The following MDN1 variants were observed in gnomAD, a reference collection of about 807,000 sequenced individuals.
The protein encoded by MDN1 is midasin AAA ATPase 1, also known as midasin.
A neutral mutation model predicts 669.2 loss-of-function variants in MDN1; 266 were observed. The ratio of observed to expected loss-of-function variants is 0.40; its 90% CI spans 0.36 to 0.44. MDN1 has a LOEUF of 0.44. MDN1 is among the 20% of genes least tolerant of loss of function. The pLI is 1.00. For synonymous variants in MDN1, 2,385 were observed against 2,457.1 expected (o/e 0.97, Z 0.87); for missense variants, 5,940 against 6,754.0 (o/e 0.88, Z 4.22).
chr6:89,751,535 G>A lies in MDN1; in HGVS notation c.3123C>T (p.Tyr1041=). ...GCTCCTTGTCTCCCACCGCAATCCA[G>A]TAGCCTTCAACCTGGATAAGCCGAC... ...KGGRLIQVEG[Y]WIAVGDKEPT... The change falls in exon 23 of 102, where the codon TAC becomes TAT. Residue 1041 remains tyrosine, a synonymous_variant. Coordinates refer to ENST00000369393, the MANE Select transcript of MDN1 (RefSeq NM_014611.3). 6.2e-7 allele frequency: 1 copy of A among 1,614,114 alleles called. No homozygotes were observed. The highest frequency in any genetic ancestry group is 8.5e-7 in the Non-Finnish European group (1 of 1,180,016).
chr6:89,650,937 A>G (rs1808808768), intron 95 of MDN1, 90 bp from the exon 96 acceptor site: 1 of 940,628 alleles, frequency 1.1e-6, no homozygotes, highest in African/African-American at 1.6e-5. Flanking sequence ...AAAGTGGTAG[A>G]AAATGACCTG....
Position 89,653,185 on chromosome 6 carries a change from T to C in MDN1, c.15662-30A>G. 1.9e-6 allele frequency: 3 copies of C among 1,593,634 alleles called. No individual in the cohort carries two copies. The East Asian group carries it at 6.7e-5, about 36-fold the overall frequency. Reference sequence around the variant, plus strand: ...TTTCATTTAAGGACATAATTTTACTTATAATATTAGCCTGATGACTGACCA... The same window carrying C: ...TTTCATTTAAGGACATAATTTTACTCATAATATTAGCCTGATGACTGACCA... On this transcript the variant is annotated intron_variant, in intron 93 of 101. Coordinates refer to ENST00000369393, the MANE Select transcript of MDN1 (RefSeq NM_014611.3).
chr6:89,714,634 C>T lies in MDN1; in HGVS notation c.6978G>A (p.Leu2326=), dbSNP rs567380219. Residue 2326 remains leucine (L), a synonymous_variant, in exon 46 of 102, where the codon TTG becomes TTA. Coordinates refer to ENST00000369393, the MANE Select transcript of MDN1 (RefSeq NM_014611.3). ...GDASTPDNLD[L]KVLLHSLGLV... ...ATCCAAGGCTGTGCAGCAGAACTTT[C>T]AAATCCAGGTTGTCTGGGGTGCTTG... 3.1e-6 allele frequency: 5 copies of T among 1,614,120 alleles called. No homozygotes were observed. The highest frequency in any genetic ancestry group is 2.7e-5 in the African/African-American group (2 of 75,042).
chr6:89,650,297 C>T, intron 96 of MDN1, 99 bp from the exon 97 acceptor site: 1 of 1,100,152 alleles, frequency 9.1e-7, no homozygotes, highest in Non-Finnish European at 1.3e-6. Flanking sequence ...AAACCAATAG[C>T]AAGTAACTAG....
intron 8 of MDN1, 76 bp downstream of exon 8, chr6:89,787,778 C>A: frequency 9.0e-7 from 1 of 1,110,394 alleles, no homozygotes; most frequent in Non-Finnish European, 1.3e-6. Context: ...AACTCTATTA[C>A]AGGACCTCTG....
Position 89,712,880 on chromosome 6 carries a change from C to A in MDN1, c.7219-94G>T. The A allele has an allele frequency of 3.5e-6, 4 of 1,147,080 alleles. No individual in the cohort carries two copies. The African/African-American group carries it at 4.6e-5, about 13-fold the overall frequency. 71.1% of individuals were successfully genotyped at this position (1,147,080 alleles called of 1,614,324 possible). ...GTAATAATAGTCCATGCGACCACCTCACAACAACTTTTAATACACTCTTCA... is the reference window on the plus strand; with the variant it reads ...GTAATAATAGTCCATGCGACCACCTAACAACAACTTTTAATACACTCTTCA... On this transcript the variant is annotated intron_variant, in intron 47 of 101. Transcript: ENST00000369393.
At chr6:89,661,943 C>G (rs1809798282) in intron 87 of MDN1, 144 bp downstream of exon 87, 4 of 944,174 alleles carry the variant, frequency 4.2e-6, no homozygotes, top group Admixed American at 5.0e-5. Context: ...CTGTTAAGAG[C>G]CTCTGTTGCA....
chr6:89,786,924 C>CAAAAAAAAAAAAAAAA (rs35077997), intron 8 of MDN1, among the ~76,000 whole-genome samples: 1 of 76,594 alleles, frequency 1.3e-5, no homozygotes, highest in Non-Finnish European at 2.4e-5. Context: ...GACTCCATCT[C>CAAAAAAAAAAAAAAAA]AAAAAAAAAA....
chr6:89,648,340 G>GA lies in MDN1; in HGVS notation c.16207-12dup. 1 of 1,612,198 alleles carries GA rather than the reference G, an allele frequency of 6.2e-7. No individual in the cohort carries two copies. The highest frequency in any genetic ancestry group is 1.7e-4 in the Middle Eastern group (1 of 6,058). ...AGATTCAAATGCAAGCTGTGAATTA[G>GA]AAAGTTAATGATTTTAGGAATCAGA... On this transcript the variant is annotated splice_polypyrimidine_tract_variant and intron_variant, in intron 97 of 101. Coordinates refer to ENST00000369393, the MANE Select transcript of MDN1 (RefSeq NM_014611.3).
chr6:89,670,879 G>A (rs1477731741), intron 83 of MDN1, 40 bp downstream of exon 83: 2 of 1,580,196 alleles, frequency 1.3e-6, no homozygotes, highest in Admixed American at 1.8e-5. Context: ...ATTTACTTGG[G>A]TCCCTGCTGC....
intron 100 of MDN1, among the ~76,000 whole-genome samples, 171 bp from the exon 101 acceptor site, chr6:89,645,328 A>T (rs1451437307): frequency 6.6e-6 from 1 of 152,226 alleles, no homozygotes; most frequent in Non-Finnish European, 1.5e-5. Context: ...CTCTGATGAG[A>T]TCTATCCCTT....
At position 89,679,395 on chromosome 6, in the gene MDN1, G is replaced by A. The variant is rs146478999; in HGVS notation, c.12266-650C>T. On this transcript the variant is annotated intron_variant, in intron 74 of 101. Coordinates refer to ENST00000369393, the MANE Select transcript of MDN1 (RefSeq NM_014611.3). ...ACACGTGGGTACCAATAACACAAGG[G>A]TGCCGCCTCCCTGTTGCAGGCAGTG... Among the ~76,000 whole-genome samples the A allele has an allele frequency of 8.5e-5, 13 of 152,292 alleles. No individual in the cohort carries two copies. The East Asian group carries it at 2.5e-3, about 29-fold the overall frequency.
intron 15 of MDN1, among the ~76,000 whole-genome samples, chr6:89,768,140 G>A (rs1817895900): frequency 6.6e-6 from 1 of 151,992 alleles, no homozygotes; most frequent in African/African-American, 2.4e-5. Context: ...GAGGTTGACT[G>A]GGGAGGACTA....
chr6:89,738,800 T>C (rs1291168298), intron 32 of MDN1, among the ~76,000 whole-genome samples: 1 of 152,194 alleles, frequency 6.6e-6, no homozygotes, highest in Non-Finnish European at 1.5e-5. Context: ...ATCAGGTACC[T>C]AAATAATACT....
In MDN1 at chr6:89,806,532, C is replaced by T. The variant is rs145612215; in HGVS notation, c.103-2978G>A. The stretch of plus-strand genomic sequence containing the variant: ...AGGAGTTTGAGACCAGCCTGACCAA[C>T]ATGGTGAAACTTTGTCTCTACTAGA... On this transcript the variant is annotated intron_variant, in intron 1 of 101. Coordinates refer to ENST00000369393, the MANE Select transcript of MDN1 (RefSeq NM_014611.3). 1.6e-3 allele frequency among the ~76,000 whole-genome samples: 241 copies of T among 152,216 alleles called. 1 individual carries two copies. Among genetic ancestry groups the T allele is most frequent in the African/African-American group, 5.6e-3 (231 of 41,548 alleles).
chr6:89,758,926 C>G lies in MDN1; in HGVS notation c.2495G>C (p.Trp832Ser). ...TLAQAVKKGE[W>S]ILLDEINLAA... ...CAAGTTAATCTCATCCAACAAGATC[C>G]ACTCTCCTTTCTTTACAGCCTGAGC... Residue 832 changes from tryptophan (W) to serine (S), a missense_variant, in exon 18 of 102, where the codon TGG (tryptophan) becomes TCG (serine). By Grantham distance (177) the Trp-to-Ser change is radical. Coordinates refer to ENST00000369393, the MANE Select transcript of MDN1 (RefSeq NM_014611.3). 1 of 1,613,826 alleles carries G rather than the reference C, an allele frequency of 6.2e-7. No individual in the cohort carries two copies. The highest frequency in any genetic ancestry group is 8.5e-7 in the Non-Finnish European group (1 of 1,179,712).
At chr6:89,705,436 A>AG (rs1196799365) in intron 53 of MDN1, among the ~76,000 whole-genome samples, 2 of 152,182 alleles carry the variant, frequency 1.3e-5, no homozygotes, top group African/African-American at 4.8e-5. Flanking sequence ...ATTCCATTTA[A>AG]TCCACATGTG....
intron 1 of MDN1, among the ~76,000 whole-genome samples, chr6:89,814,328 A>C (rs560639816): frequency 1.8e-4 from 28 of 152,240 alleles, no homozygotes; most frequent in African/African-American, 5.3e-4. Flanking sequence ...TAAGATACAA[A>C]TATGACAGAC....
chr6:89,795,205 TTA>T (rs1289052852), intron 2 of MDN1, among the ~76,000 whole-genome samples: 1 of 152,180 alleles, frequency 6.6e-6, no homozygotes, highest in Non-Finnish European at 1.5e-5. Context: ...CAACAAACAT[TTA>T]TTCAGTTCTA....
Sources: allele counts gnomAD v4.1 joint callset (sites outside exome capture counted in the v4.1 genomes callset), GRCh38; gene constraint gnomAD v4.1.1; transcripts MANE v1.5; gene names NCBI Gene and HGNC (gene_info 2026-07-23, HGNC 2026-07-21).